LPGAT1: variants seen among roughly 807,000 people sequenced by gnomAD.
LPGAT1 encodes the protein lysophosphatidylglycerol acyltransferase 1.
In LPGAT1, 11 loss-of-function variants were observed where a neutral mutation model predicts 47.5. That is an observed-to-expected ratio of 0.23 (90% CI 0.15 to 0.38). The LOEUF (loss-of-function observed/expected upper bound fraction) is 0.38, where lower values mean the gene tolerates loss of function less well. LPGAT1 is among the 10% of genes least tolerant of loss of function. The pLI is 1.00. For missense variants in LPGAT1, 293 were observed against 439.0 expected (o/e 0.67, Z 2.97); for synonymous variants, 138 against 144.2 (o/e 0.96, Z 0.31).
At chr1:211,799,409 T>C (rs1168953087) in intron 2 of LPGAT1, among the ~76,000 whole-genome samples, 3 of 152,138 alleles carry the variant, frequency 2.0e-5, no homozygotes, top group Non-Finnish European at 4.4e-5. Context: ...GATAGTATCA[T>C]CCCCAATATG....
rs544339576 is a variant in LPGAT1 at position 211,814,206 on chromosome 1, T to C, written c.238+14853A>G. The stretch of plus-strand genomic sequence containing the variant: ...GGTACTTAATATGCGTATGGATTCC[T>C]GACCCCCTGAGATAACTCTGAAGCA... On this transcript the variant is annotated intron_variant, in intron 2 of 7. Coordinates refer to ENST00000366997, the MANE Select transcript of LPGAT1 (RefSeq NM_014873.3). Among the ~76,000 whole-genome samples the C allele has an allele frequency of 5.3e-5, 8 of 152,350 alleles. No individual in the cohort carries two copies. The South Asian group carries it at 1.7e-3, about 32-fold the overall frequency.
intron 2 of LPGAT1, among the ~76,000 whole-genome samples, chr1:211,794,108 C>A (rs1449133661): frequency 6.6e-6 from 1 of 152,118 alleles, no homozygotes; most frequent in African/African-American, 2.4e-5. Context: ...GGTTCCCAAC[C>A]CTTCAGATTC....
At chr1:211,797,805 A>T (rs1416506710) in intron 2 of LPGAT1, among the ~76,000 whole-genome samples, 1 of 152,228 alleles carries the variant, frequency 6.6e-6, no homozygotes, top group Admixed American at 6.5e-5. Flanking sequence ...TATGAAATGA[A>T]TTCTCAAAAA....
intron 2 of LPGAT1, among the ~76,000 whole-genome samples, chr1:211,805,020 G>A (rs1178617798): frequency 6.6e-6 from 1 of 151,430 alleles, no homozygotes; most frequent in African/African-American, 2.4e-5. Flanking sequence ...AAATTGGGGG[G>A]ATGTAAATAA....
At chr1:211,762,396 T>G (rs1265460580) in intron 6 of LPGAT1, among the ~76,000 whole-genome samples, 1 of 152,214 alleles carries the variant, frequency 6.6e-6, no homozygotes, top group African/African-American at 2.4e-5. Context: ...CTGCCCAGAA[T>G]AGCTGGGATA....
chr1:211,810,342 T>C (rs974738520), intron 2 of LPGAT1, among the ~76,000 whole-genome samples: 8 of 152,120 alleles, frequency 5.3e-5, no homozygotes, highest in African/African-American at 1.9e-4. Context: ...TGACGGAAGA[T>C]AGAGGGTGGA....
intron 2 of LPGAT1, among the ~76,000 whole-genome samples, chr1:211,793,525 C>A (rs929383148): frequency 6.6e-6 from 1 of 151,788 alleles, no homozygotes; most frequent in African/African-American, 2.4e-5. Flanking sequence ...CTCTACCTCC[C>A]GGGTTCAAGC....
At chr1:211,805,605 A>C (rs1659726437) in intron 2 of LPGAT1, among the ~76,000 whole-genome samples, 1 of 152,210 alleles carries the variant, frequency 6.6e-6, no homozygotes, top group African/African-American at 2.4e-5. Flanking sequence ...ATCAAAACTC[A>C]TCTAAGATGA....
intron 6 of LPGAT1, among the ~76,000 whole-genome samples, chr1:211,761,299 A>T (rs1657688263): frequency 6.6e-6 from 1 of 152,162 alleles, no homozygotes; most frequent in Non-Finnish European, 1.5e-5. Flanking sequence ...CACCCTTCTC[A>T]TTAAAAACCC....
chr1:211,749,865 T>C lies in LPGAT1; in HGVS notation c.*34A>G. 6.2e-7 allele frequency: 1 copy of C among 1,608,194 alleles called. No individual in the cohort carries two copies. The highest frequency in any genetic ancestry group is 1.1e-5 in the South Asian group (1 of 89,924). ...CACACTTATGAAAGAAAGTCTGAAC[T>C]CCTACGGTGACCTTGACAAGTCCAC... is the stretch of plus-strand genomic sequence containing the variant. On this transcript the variant is annotated 3_prime_UTR_variant, in exon 8 of 8. Transcript: ENST00000366997.
Position 211,783,255 on chromosome 1 carries a change from G to A in LPGAT1, c.701C>T (p.Pro234Leu). The change falls in exon 5 of 8, where the codon CCA (proline) becomes CTA (leucine). Residue 234 changes from proline (P) to leucine (L), a missense_variant. Physicochemically the swap from Pro to Leu is moderately conservative, Grantham distance 98. Coordinates refer to ENST00000366997, the MANE Select transcript of LPGAT1 (RefSeq NM_014873.3). ...ALVAQQKNGS[P>L]AGGDAKELDS... ...TAATTCTTTAGCATCTCCTCCTGCTGGACTTCCATTTTTCTGTTGTGCTAC... is the reference window on the plus strand; with the variant it reads ...TAATTCTTTAGCATCTCCTCCTGCTAGACTTCCATTTTTCTGTTGTGCTAC... 1 of 1,612,574 alleles carries A rather than the reference G, an allele frequency of 6.2e-7. No individual in the cohort carries two copies. Among genetic ancestry groups the A allele is most frequent in the Non-Finnish European group, 8.5e-7 (1 of 1,178,686 alleles).
chr1:211,758,892 AAG>A (rs1295661996), intron 6 of LPGAT1, among the ~76,000 whole-genome samples: 3 of 152,286 alleles, frequency 2.0e-5, no homozygotes, highest in African/African-American at 7.2e-5. Context: ...CCAATTTGCT[AAG>A]AGTGTTTTCT....
intron 2 of LPGAT1, among the ~76,000 whole-genome samples, chr1:211,825,740 C>G (rs1183304383): frequency 6.6e-6 from 1 of 152,230 alleles, no homozygotes; most frequent in Non-Finnish European, 1.5e-5. Flanking sequence ...GTGGGCGGAT[C>G]ACAAGGTCAG....
Position 211,746,335 on chromosome 1 carries a change from T to G in LPGAT1, c.*3564A>C, listed in dbSNP as rs1038742659. On this transcript the variant is annotated 3_prime_UTR_variant, in exon 8 of 8. Coordinates refer to ENST00000366997, the MANE Select transcript of LPGAT1 (RefSeq NM_014873.3). ...GAGAACAATGCCAATACTGCCAATT[T>G]TTGATTATTCAGGGATGCTTTTCTA... The G allele has an allele frequency of 2.0e-5, 3 of 152,596 alleles. No homozygotes were observed. The highest frequency in any genetic ancestry group is 7.2e-5 in the African/African-American group (3 of 41,456). 9.5% of individuals were successfully genotyped at this position (152,596 alleles called of 1,614,324 possible).
intron 2 of LPGAT1, among the ~76,000 whole-genome samples, chr1:211,817,218 CA>C (rs1226718396): frequency 6.6e-6 from 1 of 152,084 alleles, no homozygotes; most frequent in Non-Finnish European, 1.5e-5. Flanking sequence ...CTCTGTTTTT[CA>C]AAAAACTTGT....
intron 4 of LPGAT1, among the ~76,000 whole-genome samples, chr1:211,784,624 T>A (rs1658781583): frequency 6.6e-6 from 1 of 151,888 alleles, no homozygotes; most frequent in Middle Eastern, 3.2e-3. Context: ...ATTGTATTGA[T>A]AACAAGTAGT....
chr1:211,755,550 GAAA>G (rs61044318), intron 6 of LPGAT1, among the ~76,000 whole-genome samples: 3 of 151,002 alleles, frequency 2.0e-5, no homozygotes, highest in Non-Finnish European at 4.4e-5. Flanking sequence ...CGAGTAGACA[GAAA>G]AAAAATAGAG....
At chr1:211,752,330 T>C (rs572173436) in intron 6 of LPGAT1, among the ~76,000 whole-genome samples, 2 of 152,168 alleles carry the variant, frequency 1.3e-5, no homozygotes, top group Non-Finnish European at 2.9e-5. Flanking sequence ...GCTTTGCAGG[T>C]ATAAAAATAA....
Position 211,744,766 on chromosome 1 carries a change from A to T in LPGAT1, c.*5133T>A, listed in dbSNP as rs1656875866. 6 of 152,300 alleles carry T rather than the reference A, an allele frequency of 3.9e-5. No individual in the cohort carries two copies. The South Asian group carries it at 1.2e-3, about 32-fold the overall frequency. The allele number at this position is 152,300 out of a possible 1,614,324, so 9.4% of individuals were successfully genotyped here. On this transcript the variant is annotated 3_prime_UTR_variant, in exon 8 of 8. Coordinates refer to ENST00000366997, the MANE Select transcript of LPGAT1 (RefSeq NM_014873.3). The stretch of plus-strand genomic sequence containing the variant: ...CAGAAGAGTGAACTGCTAAACATTT[A>T]CCAGCACACCACTGGATTGGGAGAA...
Sources: allele counts gnomAD v4.1 joint callset (sites outside exome capture counted in the v4.1 genomes callset), GRCh38; gene constraint gnomAD v4.1.1; transcripts MANE v1.5; gene names NCBI Gene and HGNC (gene_info 2026-07-23, HGNC 2026-07-21).